EXOC2: variants seen among roughly 807,000 people sequenced by gnomAD.
EXOC2 encodes the protein exocyst complex component 2.
In EXOC2, 70 loss-of-function variants were observed where a neutral mutation model predicts 131.8. That is an observed-to-expected ratio of 0.53 (90% confidence interval 0.44 to 0.65). The LOEUF (loss-of-function observed/expected upper bound fraction) is 0.65, where lower values mean the gene tolerates loss of function less well. Ranked by LOEUF, EXOC2 falls within the 30% of genes least tolerant of loss-of-function variation. The probability of loss-of-function intolerance (pLI) is 0.00; values close to 1 mark genes in which losing one functional copy is unlikely to be tolerated. For synonymous variants in EXOC2, 411 were observed against 398.4 expected, an observed-to-expected ratio of 1.03 and a Z score of -0.38; for missense variants, 923 against 1,108.6, an observed-to-expected ratio of 0.83 and a Z score of 2.38.
chr6:530,742 G>A (rs1766027021), intron 23 of EXOC2, among the ~76,000 whole-genome samples: 1 of 152,156 alleles, frequency 6.6e-6, no homozygotes, highest in Admixed American at 6.5e-5. Flanking sequence ...CTGCATCTGT[G>A]GCCTCTGCAT....
chr6:514,345 A>C (rs145489478), intron 23 of EXOC2, among the ~76,000 whole-genome samples: 72 of 152,352 alleles, frequency 4.7e-4, no homozygotes, highest in African/African-American at 1.6e-3. Flanking sequence ...GGTGGTTAAG[A>C]AAATTGGAGA....
At chr6:561,032 T>TA (rs1375712471) in intron 17 of EXOC2, among the ~76,000 whole-genome samples, 1 of 152,128 alleles carries the variant, frequency 6.6e-6, no homozygotes, top group African/African-American at 2.4e-5. Context: ...TTATTAAAAA[T>TA]AAAGCATTTA....
At chr6:562,328 A>G (rs1757742754) in intron 17 of EXOC2, among the ~76,000 whole-genome samples, 1 of 152,252 alleles carries the variant, frequency 6.6e-6, no homozygotes, top group South Asian at 2.1e-4. Flanking sequence ...TAAAAGTCCC[A>G]GCTGAAAAGA....
At chr6:541,727 C>T (rs190878276) in intron 22 of EXOC2, among the ~76,000 whole-genome samples, 6 of 152,150 alleles carry the variant, frequency 3.9e-5, no homozygotes, top group Non-Finnish European at 8.8e-5. Context: ...TAGATGACTA[C>T]GATTAACATG....
Position 598,930 on chromosome 6 carries a change from A to G in EXOC2, c.900T>C (p.Asp300=), listed in dbSNP as rs1261211394. Residue 300 remains aspartate, a synonymous_variant, in exon 9 of 28, where the codon GAT becomes GAC. Transcript: ENST00000230449. ...CCTTTTCATAATCATTAATAACCAC[A>G]TCATAATCACCCTTTAAAATAAAGA... is the stretch of plus-strand genomic sequence containing the variant. ...IERNIQKGDY[D]VVINDYEKAK... is the part of the protein sequence containing the mutation. 4 of 1,608,558 alleles carry G rather than the reference A, an allele frequency of 2.5e-6. No homozygotes were observed. The highest frequency in any genetic ancestry group is 3.4e-6 in the Non-Finnish European group (4 of 1,178,524).
At chr6:566,986 C>T (rs1474460378) in intron 13 of EXOC2, among the ~76,000 whole-genome samples, 1 of 152,190 alleles carries the variant, frequency 6.6e-6, no homozygotes, top group Non-Finnish European at 1.5e-5. Context: ...CTGAACACCA[C>T]GTCCAAAATA....
intron 4 of EXOC2, among the ~76,000 whole-genome samples, chr6:625,820 C>A (rs1440699811): frequency 6.6e-6 from 1 of 152,136 alleles, no homozygotes; most frequent in Non-Finnish European, 1.5e-5. Context: ...GGTGCAACAA[C>A]TGACTCTTCT....
At chr6:578,267 A>C (rs1026408852) in intron 11 of EXOC2, among the ~76,000 whole-genome samples, 2 of 152,222 alleles carry the variant, frequency 1.3e-5, no homozygotes, top group East Asian at 3.8e-4. Flanking sequence ...TGTCTCTGAT[A>C]ATGCAAACTA....
chr6:622,455 C>T (rs1202670868), intron 4 of EXOC2, among the ~76,000 whole-genome samples: 3 of 152,146 alleles, frequency 2.0e-5, no homozygotes, highest in African/African-American at 7.2e-5. Context: ...CGCTGTGCCT[C>T]GGTGTTTCTC....
In EXOC2 at chr6:485,474, AAG is replaced by A. The variant is rs779405645; in HGVS notation, c.*1195_*1196del. On this transcript the variant is annotated 3_prime_UTR_variant, in exon 28 of 28. Coordinates refer to ENST00000230449, the MANE Select transcript of EXOC2 (RefSeq NM_018303.6). ...GGACATTAATTTTAGCATTTAAAAA[AAG>A]AGATTTAAAAATAACCATAGAAAAA... 8 of 152,244 alleles carry A rather than the reference AAG, an allele frequency of 5.3e-5. No homozygotes were observed. The highest frequency in any genetic ancestry group is 1.4e-4 in the African/African-American group (6 of 41,462). 9.4% of individuals were successfully genotyped at this position (152,244 alleles called of 1,614,324 possible).
rs367940464 is a variant in EXOC2 at position 660,878 on chromosome 6, G to A, written c.-43-23017C>T. ...CAAGGAGGGATCAGGGAAAGGCGGA[G>A]CCCAATGCAAGGAAATCAAATAAAC... is the stretch of plus-strand genomic sequence containing the variant. On this transcript the variant is annotated intron_variant, in intron 1 of 27. Transcript: ENST00000230449. Among the ~76,000 whole-genome samples the A allele has an allele frequency of 3.9e-5, 6 of 152,174 alleles. No individual in the cohort carries two copies. The East Asian group carries it at 7.7e-4, about 20-fold the overall frequency.
chr6:691,685 G>A (rs938599931), intron 1 of EXOC2, among the ~76,000 whole-genome samples: 1 of 152,216 alleles, frequency 6.6e-6, no homozygotes, highest in East Asian at 1.9e-4. Context: ...GGAAATTTTT[G>A]ACTGCGTGGG....
chr6:499,786 A>G, intron 23 of EXOC2, 86 bp from the exon 24 acceptor site: 1 of 1,072,684 alleles, frequency 9.3e-7, no homozygotes, highest in Non-Finnish European at 1.4e-6. Context: ...CCCATGCTTT[A>G]GAGTTTTCTG....
At chr6:531,982 C>T (rs1009317823) in intron 23 of EXOC2, among the ~76,000 whole-genome samples, 1 of 152,210 alleles carries the variant, frequency 6.6e-6, no homozygotes, top group Admixed American at 6.5e-5. Context: ...TGTCATTCAT[C>T]CTTCTGTGGC....
chr6:677,163 G>T (rs1355230376), intron 1 of EXOC2, among the ~76,000 whole-genome samples: 1 of 124,060 alleles, frequency 8.1e-6, no homozygotes, highest in South Asian at 2.8e-4. Flanking sequence ...TTTCTCTGGA[G>T]ACTGCGGTTC....
chr6:632,609 C>T (rs985240983), intron 3 of EXOC2, among the ~76,000 whole-genome samples: 6 of 152,134 alleles, frequency 3.9e-5, no homozygotes, highest in Non-Finnish European at 8.8e-5. Context: ...CACCTCAAAC[C>T]TTGTTTAAGA....
chr6:602,446 A>G (rs4960093), intron 7 of EXOC2, among the ~76,000 whole-genome samples: 757 of 4,752 alleles, frequency 0.16, 11 homozygotes, highest in East Asian at 0.3. Context: ...CCCCGTGTGC[A>G]AATCCACACA....
intron 23 of EXOC2, among the ~76,000 whole-genome samples, chr6:528,503 C>T (rs1481071228): frequency 6.6e-6 from 1 of 152,118 alleles, no homozygotes; most frequent in Non-Finnish European, 1.5e-5. Flanking sequence ...GTCAAAACTA[C>T]ACAAAGAACA....
chr6:507,064 CCACACACA>C (rs377215025), intron 23 of EXOC2, among the ~76,000 whole-genome samples: 37 of 137,690 alleles, frequency 2.7e-4, no homozygotes, highest in Middle Eastern at 4.1e-3. Flanking sequence ...AGCAGTGATC[CCACACACA>C]CACACACAGC....
Sources: gnomAD v4.1 joint callset for allele counts (sites outside exome capture counted in the v4.1 genomes callset) on GRCh38, gnomAD v4.1.1 for gene constraint, MANE v1.5 for transcripts, NCBI Gene and HGNC (gene_info 2026-07-23, HGNC 2026-07-21) for gene names.